Variants in FAAH2 observed in about 807,000 individuals in gnomAD.
FAAH2 encodes fatty acid amide hydrolase 2.
In FAAH2, 60 loss-of-function variants were observed where a neutral mutation model predicts 36.9. The observed-to-expected ratio is 1.63, with a 90% CI of 1.32 to 2.02. The LOEUF is 2.02. FAAH2 is among the 30% of genes most tolerant of loss of function. The probability of loss-of-function intolerance (pLI) is 0.00; values close to 1 mark genes in which losing one functional copy is unlikely to be tolerated. For synonymous variants in FAAH2, 214 were observed against 143.8 expected, an observed-to-expected ratio of 1.49 and a Z score of -3.49; for missense variants, 689 against 397.5, an observed-to-expected ratio of 1.73 and a Z score of -6.23.
At chrX:57,310,452 G>A in intron 2 of FAAH2, 141 bp from the exon 3 acceptor site, 1 of 623,175 alleles carries the variant, frequency 1.6e-6, no homozygotes, top group Non-Finnish European at 2.3e-6. Flanking sequence ...GGCTCAAATG[G>A]TCAGCTTTAT....
the FAAH2 span, among the ~76,000 whole-genome samples, chrX:57,249,433 A>T: frequency 8.9e-6 from 1 of 112,320 alleles, no homozygotes; most frequent in Middle Eastern, 4.6e-3. Flanking sequence ...TAAGATTAAC[A>T]AATTTTTCCA....
At chrX:57,203,249 A>G in the FAAH2 span, among the ~76,000 whole-genome samples, 2 of 112,241 alleles carry the variant, frequency 1.8e-5, no homozygotes, top group Non-Finnish European at 3.8e-5. Flanking sequence ...AAACAAAGGG[A>G]TGGGCCAAAA....
the FAAH2 span, among the ~76,000 whole-genome samples, chrX:57,216,502 GTA>G: frequency 0.012 from 616 of 52,198 alleles, 10 homozygotes; most frequent in African/African-American, 0.047. Flanking sequence ...ATACGTATAT[GTA>G]TATATATATA....
chrX:57,440,331 G>A (rs1284800623), intron 8 of FAAH2, among the ~76,000 whole-genome samples: 1 of 111,288 alleles, frequency 9.0e-6, no homozygotes, highest in Non-Finnish European at 1.9e-5. Flanking sequence ...CCTGTAGGCT[G>A]GATTCCTAGA....
chrX:57,329,908 G>A (rs1000028869), intron 3 of FAAH2, among the ~76,000 whole-genome samples: 2 of 111,806 alleles, frequency 1.8e-5, no homozygotes, highest in Non-Finnish European at 3.8e-5. Context: ...AGATTTCATG[G>A]ACACTTATCA....
At chrX:57,477,525 G>T (rs765601121) in intron 10 of FAAH2, among the ~76,000 whole-genome samples, 1 of 110,904 alleles carries the variant, frequency 9.0e-6, no homozygotes, top group South Asian at 3.8e-4. Context: ...GTTCTAGGGT[G>T]CATGTGCACA....
At chrX:57,195,794 A>G in the FAAH2 span, among the ~76,000 whole-genome samples, 26 of 112,297 alleles carry the variant, frequency 2.3e-4, no homozygotes, top group Non-Finnish European at 4.1e-4. Flanking sequence ...TCAGAAATAA[A>G]GATCCAGTTT....
chrX:57,306,192 T>A (rs1174389545), intron 2 of FAAH2, among the ~76,000 whole-genome samples: 2 of 111,823 alleles, frequency 1.8e-5, no homozygotes, highest in Non-Finnish European at 3.8e-5. Flanking sequence ...GGATGGGATA[T>A]AAGCAAAGCA....
At chrX:57,381,229 T>C (rs769067947) in intron 7 of FAAH2, among the ~76,000 whole-genome samples, 200 bp downstream of exon 7, 59 of 111,550 alleles carry the variant, frequency 5.3e-4, no homozygotes, top group African/African-American at 1.9e-3. Flanking sequence ...AAATGAGTAC[T>C]TTGAAAATAA....
At chrX:57,325,577 G>T (rs1413880067) in intron 3 of FAAH2, among the ~76,000 whole-genome samples, 1 of 107,283 alleles carries the variant, frequency 9.3e-6, no homozygotes, top group Non-Finnish European at 1.9e-5. Flanking sequence ...GGACAGTGTA[G>T]GTGTCGAGGA....
chrX:57,430,945 C>T (rs1458315703), intron 7 of FAAH2, among the ~76,000 whole-genome samples: 3 of 111,720 alleles, frequency 2.7e-5, no homozygotes, highest in Non-Finnish European at 5.6e-5. Flanking sequence ...AATTTGGATT[C>T]TTTCCTCTAC....
chrX:57,404,326 C>T (rs1165284010), intron 7 of FAAH2, among the ~76,000 whole-genome samples: 2 of 112,247 alleles, frequency 1.8e-5, no homozygotes, highest in Non-Finnish European at 3.8e-5. Context: ...CTTTCTTTCT[C>T]CTTTCTGTCT....
chrX:57,358,559 A>G (rs956835567), intron 5 of FAAH2, among the ~76,000 whole-genome samples: 12 of 110,633 alleles, frequency 1.1e-4, no homozygotes, highest in Admixed American at 3.9e-4. Context: ...TTATATATGT[A>G]TGTGTGTGTG....
chrX:57,263,650 A>T, the FAAH2 span, among the ~76,000 whole-genome samples: 3 of 112,329 alleles, frequency 2.7e-5, no homozygotes, highest in African/African-American at 9.7e-5. Flanking sequence ...AGCTTATTGT[A>T]GTAATTATTT....
the FAAH2 span, among the ~76,000 whole-genome samples, chrX:57,254,883 A>G: frequency 2.7e-5 from 3 of 111,417 alleles, no homozygotes; most frequent in African/African-American, 9.8e-5. Context: ...GCAAAAGCAA[A>G]CAAATTCAAA....
chrX:57,249,390 G>A, the FAAH2 span, among the ~76,000 whole-genome samples: 1 of 111,859 alleles, frequency 8.9e-6, no homozygotes, highest in African/African-American at 3.2e-5. Context: ...AATAATGAAG[G>A]CATTCTTACA....
At chrX:57,409,225 T>A (rs1297373026) in intron 7 of FAAH2, among the ~76,000 whole-genome samples, 1 of 112,066 alleles carries the variant, frequency 8.9e-6, no homozygotes, top group Non-Finnish European at 1.9e-5. Flanking sequence ...ATTGTTGTAT[T>A]AAAACATCTA....
At chrX:57,384,444 C>G (rs914772833) in intron 7 of FAAH2, among the ~76,000 whole-genome samples, 2 of 107,048 alleles carry the variant, frequency 1.9e-5, no homozygotes, top group Non-Finnish European at 3.9e-5. Context: ...GAGCTAACAT[C>G]CAGAATCTAC....
At chrX:57,261,497 G>T in the FAAH2 span, among the ~76,000 whole-genome samples, 12 of 93,212 alleles carry the variant, frequency 1.3e-4, no homozygotes, top group Non-Finnish European at 2.0e-4. Context: ...AGGTTGCAGT[G>T]AGCAGAGACT....
Sources: allele counts gnomAD v4.1 joint callset (sites outside exome capture counted in the v4.1 genomes callset), GRCh38; gene constraint gnomAD v4.1.1; transcripts MANE v1.5; gene names NCBI Gene and HGNC (gene_info 2026-07-23, HGNC 2026-07-21).